KIAA0513: variants seen among roughly 807,000 people sequenced by gnomAD.
KIAA0513 encodes KIAA0513, also known as uncharacterized protein KIAA0513.
Under a neutral mutation model 56.5 loss-of-function variants are expected in KIAA0513, and 39 were observed. That is an observed-to-expected ratio of 0.69 (90% CI 0.53 to 0.90). The LOEUF is 0.90. KIAA0513 is among the 40% of genes least tolerant of loss of function. The pLI is 0.00. For synonymous variants in KIAA0513, 268 were observed against 215.6 expected (o/e 1.24, Z -2.13); for missense variants, 591 against 535.2 (o/e 1.10, Z -1.03).
intron 4 of KIAA0513, among the ~76,000 whole-genome samples, chr16:85,073,538 C>T (rs140591453): frequency 1.4e-3 from 210 of 152,310 alleles, no homozygotes; most frequent in African/African-American, 4.7e-3. Flanking sequence ...TCTCTGCCCC[C>T]GCTCACCTGT....
At position 85,057,456 on chromosome 16, in the gene KIAA0513, TG is replaced by T. The variant is rs2073345705; in HGVS notation, c.-172-9442del. Among the ~76,000 whole-genome samples the T allele has an allele frequency of 2.6e-5, 4 of 152,342 alleles. No individual in the cohort carries two copies. In the South Asian group the frequency reaches 8.3e-4, roughly 32 times the overall value. On this transcript the variant is annotated intron_variant, in intron 1 of 12. Transcript: ENST00000683363. ...ACTCTGCAACTGACCTTGCAGACTA[TG>T]GCAGGTGTGGAGGAAGGAGCAGTTC...
chr16:85,072,786 A>G (rs956794041), intron 3 of KIAA0513, 139 bp from the exon 4 acceptor site: 8 of 792,510 alleles, frequency 1.0e-5, no homozygotes, highest in East Asian at 2.6e-5. Context: ...GGTGGGTTCT[A>G]TAGTGCAGAG....
In KIAA0513 at chr16:85,074,311, TACAC is replaced by T. The variant is rs376965135; in HGVS notation, c.503+1326_503+1329del. 2.0e-3 allele frequency among the ~76,000 whole-genome samples: 293 copies of T among 144,386 alleles called. 3 individuals carry two copies. In the East Asian group the frequency reaches 0.028, roughly 14 times the overall value. 94.7% of individuals were successfully genotyped at this position (144,386 alleles called of 152,430 possible). A position where few individuals can be genotyped will look rare whatever the true frequency, so the allele number is the denominator to read the frequency against. Reference sequence around the variant, plus strand: ...ATATATACATATATATATACACACATACACACACACACACACGTATATATACACA... The same window carrying T: ...ATATATACATATATATATACACACATACACACACACACGTATATATACACA... On this transcript the variant is annotated intron_variant, in intron 4 of 12. Transcript: ENST00000683363.
At chr16:85,029,028 T>A (rs757416572) in intron 1 of KIAA0513, among the ~76,000 whole-genome samples, 1 of 152,324 alleles carries the variant, frequency 6.6e-6, no homozygotes, top group East Asian at 1.9e-4. Flanking sequence ...TAATATTGCA[T>A]GTGAGCGTTC....
chr16:85,029,689 C>G (rs1400634364), intron 1 of KIAA0513, among the ~76,000 whole-genome samples: 1 of 152,164 alleles, frequency 6.6e-6, no homozygotes, highest in African/African-American at 2.4e-5. Flanking sequence ...AAAAGAAACA[C>G]GAACAGCAGC....
chr16:85,077,869 G>C (rs1019803057), intron 6 of KIAA0513, among the ~76,000 whole-genome samples: 5 of 152,212 alleles, frequency 3.3e-5, no homozygotes, highest in Non-Finnish European at 7.3e-5. Context: ...AGGAGCCCAA[G>C]GGATTGTCAG....
intron 1 of KIAA0513, among the ~76,000 whole-genome samples, chr16:85,035,268 C>T (rs1162732446): frequency 6.6e-6 from 1 of 152,180 alleles, no homozygotes; most frequent in African/African-American, 2.4e-5. Flanking sequence ...TCTGTGTTGT[C>T]CTGCTCGTTC....
chr16:85,036,196 T>G (rs2073034055), intron 1 of KIAA0513, among the ~76,000 whole-genome samples: 1 of 152,208 alleles, frequency 6.6e-6, no homozygotes, highest in Non-Finnish European at 1.5e-5. Flanking sequence ...TTAGATATCA[T>G]AACATTTTTC....
intron 4 of KIAA0513, among the ~76,000 whole-genome samples, chr16:85,074,337 C>T (rs1472544): frequency 0.19 from 24,560 of 130,104 alleles, 2,039 homozygotes; most frequent in South Asian, 0.25. Flanking sequence ...CGTATATATA[C>T]ACACATACAC....
chr16:85,060,369 A>G (rs2143972532), intron 1 of KIAA0513, among the ~76,000 whole-genome samples: 1 of 152,110 alleles, frequency 6.6e-6, no homozygotes, highest in East Asian at 1.9e-4. Context: ...TCAGCGGTGG[A>G]GAGGAGGGAA....
At chr16:85,047,372 C>T (rs973274416) in intron 1 of KIAA0513, among the ~76,000 whole-genome samples, 1 of 152,180 alleles carries the variant, frequency 6.6e-6, no homozygotes, top group Non-Finnish European at 1.5e-5. Flanking sequence ...ATCTCTCGAG[C>T]ACTTTCCGGT....
Position 85,088,645 on chromosome 16 carries a change from G to T in KIAA0513, c.*320G>T, listed in dbSNP as rs1733857589. 2 of 315,248 alleles carry T rather than the reference G, an allele frequency of 6.3e-6. No individual in the cohort carries two copies. Among genetic ancestry groups the T allele is most frequent in the African/African-American group, 4.3e-5 (2 of 46,980 alleles). 19.5% of individuals were successfully genotyped at this position (315,248 alleles called of 1,614,324 possible). A position where few individuals can be genotyped will look rare whatever the true frequency, so the allele number is the denominator to read the frequency against. On this transcript the variant is annotated 3_prime_UTR_variant, in exon 13 of 13. Transcript: ENST00000683363. ...GGAAGGACTCCATGGGCCATCGTGGGCCAAGGGCTGGCGAGGGTGGGGGCG... is the reference window on the plus strand; with the variant it reads ...GGAAGGACTCCATGGGCCATCGTGGTCCAAGGGCTGGCGAGGGTGGGGGCG...
At chr16:85,044,083 C>G (rs1211648894) in intron 1 of KIAA0513, among the ~76,000 whole-genome samples, 1 of 152,198 alleles carries the variant, frequency 6.6e-6, no homozygotes, top group Non-Finnish European at 1.5e-5. Context: ...TGTAGACTGG[C>G]ATGAACGTTT....
At chr16:85,086,136 C>T (rs1456669999) in intron 10 of KIAA0513, among the ~76,000 whole-genome samples, 2 of 152,232 alleles carry the variant, frequency 1.3e-5, no homozygotes, top group East Asian at 3.9e-4. Flanking sequence ...CCGCAGCTGG[C>T]CCCAGGACGA....
At chr16:85,086,795 A>G (rs1344584980) in intron 11 of KIAA0513, 71 bp downstream of exon 11, 2 of 1,354,598 alleles carry the variant, frequency 1.5e-6, no homozygotes, top group Non-Finnish European at 2.1e-6. Flanking sequence ...CACACCTGGT[A>G]TCACACCCTG....
Position 85,078,982 on chromosome 16 carries a change from A to C in KIAA0513, c.881A>C (p.His294Pro), listed in dbSNP as rs1597640922. The change falls in exon 8 of 13, where the codon CAC becomes CCC. Residue 294 changes from histidine (H) to proline (P), a missense_variant. Transcript: ENST00000683363. ...KKGEKIYLYTHLKQQPIWHTL... is the reference protein window; with the variant it reads ...KKGEKIYLYTPLKQQPIWHTL... Reference sequence around the variant, plus strand: ...GGGGAGAAGATCTACCTGTACACGCACCTGAAGCAACAGCCCATCTGGTAA... The same window carrying C: ...GGGGAGAAGATCTACCTGTACACGCCCCTGAAGCAACAGCCCATCTGGTAA... 1 of 1,614,126 alleles carries C rather than the reference A, an allele frequency of 6.2e-7. No individual in the cohort carries two copies. Among genetic ancestry groups the C allele is most frequent in the Non-Finnish European group, 8.5e-7 (1 of 1,180,012 alleles).
chr16:85,071,448 C>T (rs551184283), intron 2 of KIAA0513, among the ~76,000 whole-genome samples: 77 of 152,302 alleles, frequency 5.1e-4, no homozygotes, highest in African/African-American at 1.8e-3. Flanking sequence ...TCTTAGGGTT[C>T]GTGCCCTTAT....
At chr16:85,082,643 G>A (rs373604439) in intron 10 of KIAA0513, 50 bp downstream of exon 10, 417 of 1,582,620 alleles carry the variant, frequency 2.6e-4, no homozygotes, top group Middle Eastern at 8.3e-4. Context: ...GGGCTCCTGC[G>A]AAGGCCACTG....
At chr16:85,051,622 C>G (rs573887649) in intron 1 of KIAA0513, among the ~76,000 whole-genome samples, 1 of 152,278 alleles carries the variant, frequency 6.6e-6, no homozygotes, top group African/African-American at 2.4e-5. Flanking sequence ...TCTCTACTTC[C>G]TCTCACACAG....
Sources: allele counts gnomAD v4.1 joint callset (sites outside exome capture counted in the v4.1 genomes callset), GRCh38; gene constraint gnomAD v4.1.1; transcripts MANE v1.5; gene names NCBI Gene and HGNC (gene_info 2026-07-23, HGNC 2026-07-21).